The following NEDD9 variants were observed in gnomAD, a reference collection of about 807,000 sequenced individuals.
NEDD9 encodes enhancer of filamentation 1.
In NEDD9, 26 loss-of-function variants were observed where a neutral mutation model predicts 76.6. The observed-to-expected ratio is 0.34, with a 90% CI of 0.25 to 0.47. The LOEUF is 0.47. Ranked by LOEUF, NEDD9 falls within the 20% of genes least tolerant of loss-of-function variation. NEDD9 has a pLI of 1.00. For missense variants in NEDD9, 937 were observed against 1,058.5 expected (o/e 0.89, Z 1.59); for synonymous variants, 392 against 414.2 (o/e 0.95, Z 0.65).
At chr6:11,364,222 C>T (rs1371312769) in intron 1 of NEDD9, among the ~76,000 whole-genome samples, 1 of 152,172 alleles carries the variant, frequency 6.6e-6, no homozygotes, top group Non-Finnish European at 1.5e-5. Context: ...TAGTAGACAA[C>T]ATTTCATACC....
intron 6 of NEDD9, among the ~76,000 whole-genome samples, chr6:11,186,853 T>A (rs943567501): frequency 2.0e-5 from 3 of 152,190 alleles, no homozygotes; most frequent in Admixed American, 1.3e-4. Flanking sequence ...CCTGACCTCA[T>A]GATCCGCCCG....
intron 1 of NEDD9, among the ~76,000 whole-genome samples, chr6:11,377,773 A>G (rs1323236387): frequency 6.6e-6 from 1 of 152,238 alleles, no homozygotes. Context: ...AGCCAGGGGC[A>G]GAATGATATG....
At chr6:11,203,226 C>G (rs531856781) in intron 2 of NEDD9, among the ~76,000 whole-genome samples, 1 of 152,312 alleles carries the variant, frequency 6.6e-6, no homozygotes, top group East Asian at 1.9e-4. Flanking sequence ...AAGTTGGATA[C>G]AGCAAAGCCA....
intron 1 of NEDD9, among the ~76,000 whole-genome samples, chr6:11,373,458 C>T (rs572365871): frequency 2.0e-5 from 3 of 152,324 alleles, no homozygotes; most frequent in African/African-American, 7.2e-5. Flanking sequence ...ATTTGATTGA[C>T]TTGAGTTGTA....
At chr6:11,342,483 C>G (rs1179107992) in intron 1 of NEDD9, among the ~76,000 whole-genome samples, 1 of 152,104 alleles carries the variant, frequency 6.6e-6, no homozygotes, top group Non-Finnish European at 1.5e-5. Flanking sequence ...TAGTGCTCAT[C>G]AGAAACAGTA....
At chr6:11,312,443 T>C (rs1196684180) in intron 2 of NEDD9, among the ~76,000 whole-genome samples, 2 of 152,148 alleles carry the variant, frequency 1.3e-5, no homozygotes, top group African/African-American at 2.4e-5. Flanking sequence ...TCTCTGTCCC[T>C]ACTGCTGTCA....
At chr6:11,350,183 C>T (rs1582043341) in intron 1 of NEDD9, among the ~76,000 whole-genome samples, 1 of 152,166 alleles carries the variant, frequency 6.6e-6, no homozygotes. Flanking sequence ...TATATATCTC[C>T]AATCTTTTCA....
intron 1 of NEDD9, among the ~76,000 whole-genome samples, chr6:11,224,247 G>A (rs1054249477): frequency 1.3e-5 from 2 of 152,212 alleles, no homozygotes; most frequent in African/African-American, 4.8e-5. Flanking sequence ...TTGACAAGGT[G>A]ATGTCTGTAA....
intron 1 of NEDD9, among the ~76,000 whole-genome samples, chr6:11,355,359 A>G (rs1762545680): frequency 6.6e-6 from 1 of 152,228 alleles, no homozygotes; most frequent in East Asian, 1.9e-4. Context: ...TTTAAAAAAA[A>G]ATTAAAAACC....
At chr6:11,238,423 G>A (rs932637083) in intron 3 of NEDD9, among the ~76,000 whole-genome samples, 10 of 152,196 alleles carry the variant, frequency 6.6e-5, no homozygotes, top group South Asian at 2.1e-4. Flanking sequence ...ATGTTTGTCC[G>A]CTCAATAAGG....
intron 3 of NEDD9, among the ~76,000 whole-genome samples, chr6:11,297,269 T>C (rs1187032817): frequency 6.6e-6 from 1 of 152,108 alleles, no homozygotes; most frequent in Non-Finnish European, 1.5e-5. Context: ...GGGAAAAGAA[T>C]GCTGCAGGGT....
At chr6:11,288,636 G>A (rs1401242660) in intron 3 of NEDD9, among the ~76,000 whole-genome samples, 2 of 152,214 alleles carry the variant, frequency 1.3e-5, no homozygotes, top group African/African-American at 2.4e-5. Context: ...TTGCCATCTA[G>A]AGGGGCTTTC....
intron 3 of NEDD9, among the ~76,000 whole-genome samples, chr6:11,277,263 G>T (rs1165459075): frequency 6.6e-6 from 1 of 152,252 alleles, no homozygotes; most frequent in African/African-American, 2.4e-5. Context: ...TACTTGATAG[G>T]TAGTGAGACT....
rs34639044 is a variant in NEDD9 at position 11,370,181 on chromosome 6, CA to C, written c.-214+11957del. On this transcript the variant is annotated intron_variant, in intron 1 of 3. Transcript: ENST00000397378. The surrounding 1 kb of genome is among the most constrained non-coding windows in gnomAD (Gnocchi z 4.2). The stretch of plus-strand genomic sequence containing the variant: ...CTGCTAAATCATGCTTGTGGGAACC[CA>C]AGGAGGCCAGCCCCTGAATCACAGG... 0.7 allele frequency among the ~76,000 whole-genome samples: 106,574 copies of C among 152,022 alleles called. 38,078 individuals are homozygous for C. Among genetic ancestry groups the C allele is most frequent in the African/African-American group, 0.82 (34,049 of 41,482 alleles).
At chr6:11,259,623 G>GA (rs1187378598) in intron 3 of NEDD9, among the ~76,000 whole-genome samples, 2 of 152,058 alleles carry the variant, frequency 1.3e-5, no homozygotes, top group African/African-American at 4.8e-5. Context: ...TGAAGCAAAA[G>GA]AAAAAACCAC....
intron 3 of NEDD9, chr6:11,304,972 G>T: frequency 2.7e-6 from 2 of 746,388 alleles, no homozygotes; most frequent in Non-Finnish European, 1.9e-6. Flanking sequence ...AACCCACAGT[G>T]ATATGACAAT....
chr6:11,373,811 A>G (rs780750790), intron 1 of NEDD9, among the ~76,000 whole-genome samples: 37 of 152,222 alleles, frequency 2.4e-4, no homozygotes, highest in Non-Finnish European at 4.4e-4. Flanking sequence ...TTAAATGAGT[A>G]GGCTTTGAGC....
chr6:11,222,920 A>T (rs897856664), intron 1 of NEDD9, among the ~76,000 whole-genome samples: 2 of 152,262 alleles, frequency 1.3e-5, no homozygotes, highest in Non-Finnish European at 2.9e-5. Context: ...GAGAAGGAGT[A>T]GAAGAGATTA....
At chr6:11,204,733 A>AAG (rs1554124860) in intron 2 of NEDD9, among the ~76,000 whole-genome samples, 4 of 149,772 alleles carry the variant, frequency 2.7e-5, no homozygotes, top group African/African-American at 9.9e-5. Flanking sequence ...AAAAAAAAAA[A>AAG]AAAAGAAAGA....
Sources: gnomAD v4.1 joint callset for allele counts (sites outside exome capture counted in the v4.1 genomes callset) on GRCh38, gnomAD v4.1.1 for gene constraint, Gnocchi (gnomAD v3.1) non-coding constraint, MANE v1.5 for transcripts, NCBI Gene and HGNC (gene_info 2026-07-23, HGNC 2026-07-21) for gene names.